ZNF626: variants seen among roughly 807,000 people sequenced by gnomAD.
ZNF626 encodes the protein zinc finger protein 626, also known as CTC-513N18.7.
ZNF626 carries 4 observed loss-of-function variants against 11.7 expected under a neutral mutation model. The ratio of observed to expected loss-of-function variants is 0.34; its 90% CI spans 0.17 to 0.78. The LOEUF (loss-of-function observed/expected upper bound fraction) is 0.78, where lower values mean the gene tolerates loss of function less well. Among genes scored for constraint, ZNF626 ranks in the 30% least tolerant of loss-of-function variants. The probability of loss-of-function intolerance (pLI) is 0.57; values close to 1 mark genes in which losing one functional copy is unlikely to be tolerated. For missense variants in ZNF626, 588 were observed against 587.1 expected, an observed-to-expected ratio of 1.00 and a Z score of -0.01; for synonymous variants, 179 against 198.6, an observed-to-expected ratio of 0.90 and a Z score of 0.83.
At chr19:20,632,667 G>T (rs11880180) in intron 3 of ZNF626, among the ~76,000 whole-genome samples, 3,439 of 152,136 alleles carry the variant, frequency 0.023, 142 homozygotes, top group African/African-American at 0.078. Flanking sequence ...CTCTGCATTG[G>T]TTATTCTAGT....
Position 20,624,819 on chromosome 19 carries a change from G to T in ZNF626, c.1058C>A (p.Ser353Tyr). Residue 353 changes from serine (S) to tyrosine (Y), a missense_variant, in exon 4 of 4, where the codon TCC becomes TAC. Ser to Tyr is a moderately radical substitution (Grantham distance 144). This residue lies in a region of ZNF626 where 524 missense variants were observed against 470.1 expected (regional missense o/e 1.11). Coordinates refer to ENST00000601440, the MANE Select transcript of ZNF626 (RefSeq NM_001076675.3). ...TCTCTTATGTGTAGTAAGGGTAGAG[G>T]AGTACTTAAAGGCTTTGCCACATTC... ...CEECGKAFKY[S>Y]STLTTHKRIH... The T allele has an allele frequency of 6.2e-7, 1 of 1,613,702 alleles. No individual in the cohort carries two copies. The highest frequency in any genetic ancestry group is 8.5e-7 in the Non-Finnish European group (1 of 1,179,938).
chr19:20,654,370 G>T (rs1228902955), intron 1 of ZNF626, among the ~76,000 whole-genome samples: 1 of 151,914 alleles, frequency 6.6e-6, no homozygotes, highest in Non-Finnish European at 1.5e-5. Context: ...TTGAACCTCG[G>T]AGGCGGAGGT....
Position 20,624,116 on chromosome 19 carries a change from T to C in ZNF626, c.*174A>G, listed in dbSNP as rs1969789249. On this transcript the variant is annotated 3_prime_UTR_variant, in exon 4 of 4. Transcript: ENST00000601440. ...TCACATCTGTAGGGTTTCTCTCCAG[T>C]ATGAAATCTCTTATGTGTAGTAAGT... The C allele has an allele frequency of 3.7e-6, 4 of 1,088,342 alleles. No individual in the cohort carries two copies. The highest frequency in any genetic ancestry group is 5.7e-6 in the Non-Finnish European group (4 of 704,510). The allele number at this position is 1,088,342 out of a possible 1,614,324, so 67.4% of individuals were successfully genotyped here.
intron 3 of ZNF626, among the ~76,000 whole-genome samples, chr19:20,642,162 T>C (rs893513926): frequency 1.3e-5 from 2 of 152,194 alleles, no homozygotes; most frequent in East Asian, 1.9e-4. Context: ...AACACACACA[T>C]ACATATGTAA....
chr19:20,648,679 C>T (rs1242150606), intron 1 of ZNF626, among the ~76,000 whole-genome samples: 7 of 152,126 alleles, frequency 4.6e-5, no homozygotes, highest in African/African-American at 1.4e-4. Context: ...CCTAAATCAG[C>T]ATTTTCTTAA....
intron 3 of ZNF626, among the ~76,000 whole-genome samples, chr19:20,643,294 CAGAA>C (rs1241334800): frequency 1.3e-5 from 2 of 151,624 alleles, no homozygotes; most frequent in Non-Finnish European, 2.9e-5. Flanking sequence ...TTGTTAAACA[CAGAA>C]AAAAATATAT....
intron 1 of ZNF626, among the ~76,000 whole-genome samples, chr19:20,648,564 AC>A (rs1213328739): frequency 1.3e-5 from 2 of 151,988 alleles, no homozygotes; most frequent in African/African-American, 4.8e-5. Flanking sequence ...TTTAGTAGAG[AC>A]AGAGTTTCAC....
intron 2 of ZNF626, 25 bp from the exon 3 acceptor site, chr19:20,645,804 TA>T: frequency 6.3e-7 from 1 of 1,576,310 alleles, no homozygotes; most frequent in South Asian, 1.2e-5. Context: ...ATAAATAACA[TA>T]AATCTTGCTT....
chr19:20,627,032 A>C (rs183671610), intron 3 of ZNF626, among the ~76,000 whole-genome samples: 8 of 152,124 alleles, frequency 5.3e-5, no homozygotes, highest in East Asian at 1.9e-4. Context: ...AACTAACTAA[A>C]TAAATAAATT....
chr19:20,658,289 C>T (rs113069187), intron 1 of ZNF626, among the ~76,000 whole-genome samples: 44 of 152,004 alleles, frequency 2.9e-4, no homozygotes, highest in Non-Finnish European at 4.7e-4. Flanking sequence ...CAGGTTGGTG[C>T]GGCAGATTCT....
At chr19:20,632,800 C>T (rs1969921328) in intron 3 of ZNF626, among the ~76,000 whole-genome samples, 1 of 152,214 alleles carries the variant, frequency 6.6e-6, no homozygotes, top group African/African-American at 2.4e-5. Flanking sequence ...AAGTCATTCT[C>T]TGTCCAGCTT....
intron 3 of ZNF626, among the ~76,000 whole-genome samples, chr19:20,626,563 C>G (rs1555769758): frequency 6.6e-6 from 1 of 151,904 alleles, no homozygotes; most frequent in Admixed American, 6.6e-5. Context: ...ACTAAAAATA[C>G]AAAAACTAGC....
intron 3 of ZNF626, among the ~76,000 whole-genome samples, chr19:20,636,135 AAAAACC>A (rs576833241): frequency 6.6e-6 from 1 of 152,200 alleles, no homozygotes; most frequent in Admixed American, 6.5e-5. Flanking sequence ...TCCCTCTCAA[AAAAACC>A]AAAACCAAAA....
rs1555769432 is a variant in ZNF626 at position 20,625,276 on chromosome 19, A to G, written c.601T>C (p.Tyr201His). 13 of 1,613,896 alleles carry G rather than the reference A, an allele frequency of 8.1e-6. No homozygotes were observed. The highest frequency in any genetic ancestry group is 1.1e-5 in the Non-Finnish European group (13 of 1,179,990). Residue 201 changes from tyrosine (Y) to histidine (H), a missense_variant, in exon 4 of 4, where the codon TAC (tyrosine) becomes CAC (histidine). Around this residue, in one of 4 missense-constraint regions of ZNF626, gnomAD observed 524 missense variants for 470.1 expected, o/e 1.11. Coordinates refer to ENST00000601440, the MANE Select transcript of ZNF626 (RefSeq NM_001076675.3). ...GCTTTGCCACATTCTTCACATTTGT[A>G]GGGTTTCCCTCCAGTATGAATTTTC... ...HKKIHTGGKP[Y>H]KCEECGKAFN...
At chr19:20,627,860 T>C (rs967197346) in intron 3 of ZNF626, among the ~76,000 whole-genome samples, 38 of 152,224 alleles carry the variant, frequency 2.5e-4, no homozygotes, top group Non-Finnish European at 5.3e-4. Flanking sequence ...ACTTGTGCCA[T>C]GTTGGTGTGT....
intron 1 of ZNF626, 85 bp downstream of exon 1, chr19:20,661,359 G>T (rs1256898180): frequency 6.4e-7 from 1 of 1,554,846 alleles, no homozygotes; most frequent in East Asian, 2.2e-5. Flanking sequence ...CTGACTGCGG[G>T]GAGGCCTGAG....
At chr19:20,653,952 T>C (rs1555772840) in intron 1 of ZNF626, among the ~76,000 whole-genome samples, 1 of 152,146 alleles carries the variant, frequency 6.6e-6, no homozygotes, top group African/African-American at 2.4e-5. Flanking sequence ...ACAAATTTAG[T>C]GAAATAAAAG....
At chr19:20,654,040 T>C (rs1427578092) in intron 1 of ZNF626, among the ~76,000 whole-genome samples, 2 of 152,218 alleles carry the variant, frequency 1.3e-5, no homozygotes, top group East Asian at 3.8e-4. Flanking sequence ...CTACTAACTG[T>C]AACAATTTGG....
At chr19:20,631,294 T>C (rs1234638126) in intron 3 of ZNF626, among the ~76,000 whole-genome samples, 2 of 152,148 alleles carry the variant, frequency 1.3e-5, no homozygotes, top group African/African-American at 4.8e-5. Flanking sequence ...TTAGGTCCTC[T>C]TGGTGCAGAG....
Sources: gnomAD v4.1 joint callset for allele counts (sites outside exome capture counted in the v4.1 genomes callset) on GRCh38, gnomAD v4.1.1 for gene constraint, gnomAD v4.1.1 regional missense constraint, MANE v1.5 for transcripts, NCBI Gene and HGNC (gene_info 2026-07-23, HGNC 2026-07-21) for gene names.